The following NRG1 variants were observed in gnomAD, a reference collection of about 807,000 sequenced individuals.
NRG1 encodes pro-neuregulin-1, membrane-bound isoform.
NRG1 carries 18 observed loss-of-function variants against 63.8 expected under a neutral mutation model. The ratio of observed to expected loss-of-function variants is 0.28; its 90% CI spans 0.19 to 0.42. The LOEUF is 0.42. Ranked by LOEUF, NRG1 falls within the 10% of genes least tolerant of loss-of-function variation. The probability of loss-of-function intolerance (pLI) is 1.00; values close to 1 mark genes in which losing one functional copy is unlikely to be tolerated. For missense variants in NRG1, 762 were observed against 814.7 expected (o/e 0.94, Z 0.79); for synonymous variants, 302 against 301.3 (o/e 1.00, Z -0.02).
At chr8:32,151,187 C>T (rs1017918042) in intron 1 of NRG1, among the ~76,000 whole-genome samples, 2 of 151,944 alleles carry the variant, frequency 1.3e-5, no homozygotes, top group African/African-American at 4.8e-5. Flanking sequence ...TGTTCATTGC[C>T]CAGAGAGATT....
At chr8:32,660,680 G>A (rs528368890) in intron 5 of NRG1, among the ~76,000 whole-genome samples, 1 of 152,282 alleles carries the variant, frequency 6.6e-6, no homozygotes, top group East Asian at 1.9e-4. Flanking sequence ...GTGACAGCAT[G>A]CACACTATGA....
intron 1 of NRG1, among the ~76,000 whole-genome samples, chr8:32,092,050 C>A (rs1221309497): frequency 6.6e-6 from 1 of 151,848 alleles, no homozygotes; most frequent in Non-Finnish European, 1.5e-5. Context: ...CACAAAAATT[C>A]AAGAAGTAAT....
At chr8:31,924,067 T>C (rs754407832) in intron 1 of NRG1, among the ~76,000 whole-genome samples, 24 of 152,104 alleles carry the variant, frequency 1.6e-4, no homozygotes, top group Non-Finnish European at 3.4e-4. Flanking sequence ...AAAATTTCCT[T>C]ATTTGGGTTG....
intron 1 of NRG1, among the ~76,000 whole-genome samples, chr8:32,025,185 C>G (rs1453722375): frequency 6.6e-6 from 1 of 152,034 alleles, no homozygotes; most frequent in Non-Finnish European, 1.5e-5. Flanking sequence ...CAGAATTAAT[C>G]TGACTTACCA....
chr8:32,609,609 TCC>T, intron 3 of NRG1, among the ~76,000 whole-genome samples: 1 of 126,528 alleles, frequency 7.9e-6, no homozygotes. Context: ...CTTCCTTCCT[TCC>T]TTCCTTCCTT....
At chr8:31,871,993 A>T (rs916603043) in intron 1 of NRG1, among the ~76,000 whole-genome samples, 13 of 152,136 alleles carry the variant, frequency 8.5e-5, no homozygotes, top group Non-Finnish European at 1.6e-4. Context: ...CATGTTAATC[A>T]GTGACCATAA....
chr8:32,180,594 T>G (rs1463939745), intron 1 of NRG1, among the ~76,000 whole-genome samples: 6 of 152,148 alleles, frequency 3.9e-5, no homozygotes, highest in Non-Finnish European at 7.4e-5. Flanking sequence ...CAAGTACTGT[T>G]AATATTTTTG....
intron 1 of NRG1, among the ~76,000 whole-genome samples, chr8:32,570,913 C>T (rs1209338544): frequency 6.6e-6 from 1 of 152,060 alleles, no homozygotes; most frequent in African/African-American, 2.4e-5. Flanking sequence ...GTTTGTCATG[C>T]CCAGAAAGTT....
chr8:32,533,775 T>C (rs1271156912), intron 1 of NRG1, among the ~76,000 whole-genome samples: 1 of 152,042 alleles, frequency 6.6e-6, no homozygotes, highest in African/African-American at 2.4e-5. Flanking sequence ...ACAGAACATC[T>C]TCCCTCAAAG....
intron 1 of NRG1, among the ~76,000 whole-genome samples, chr8:32,269,820 A>G (rs1449574691): frequency 6.6e-6 from 1 of 152,200 alleles, no homozygotes; most frequent in African/African-American, 2.4e-5. Context: ...AGATATTTGT[A>G]GAGAACTTAT....
chr8:31,912,878 C>T (rs982186726), intron 1 of NRG1, among the ~76,000 whole-genome samples: 4 of 151,974 alleles, frequency 2.6e-5, no homozygotes, highest in Middle Eastern at 3.2e-3. Context: ...ATTTATTTTT[C>T]CTTCTAAAAA....
chr8:31,990,183 T>C (rs1008919912), intron 1 of NRG1, among the ~76,000 whole-genome samples: 1 of 152,076 alleles, frequency 6.6e-6, no homozygotes, highest in Non-Finnish European at 1.5e-5. Flanking sequence ...CCTGGCTAAC[T>C]TGTCTTTAGT....
At chr8:32,398,427 T>C (rs1479434231) in intron 1 of NRG1, among the ~76,000 whole-genome samples, 3 of 150,886 alleles carry the variant, frequency 2.0e-5, no homozygotes, top group Non-Finnish European at 4.4e-5. Context: ...TTTTTTTTTT[T>C]TAAGACCAGG....
intron 1 of NRG1, among the ~76,000 whole-genome samples, chr8:32,407,529 G>T (rs555337314): frequency 6.6e-6 from 1 of 152,048 alleles, no homozygotes; most frequent in East Asian, 1.9e-4. Flanking sequence ...AACATCAATT[G>T]ATTGAAGGCT....
At chr8:31,803,971 T>C (rs1180975329) in intron 1 of NRG1, among the ~76,000 whole-genome samples, 1 of 152,192 alleles carries the variant, frequency 6.6e-6, no homozygotes, top group Non-Finnish European at 1.5e-5. Flanking sequence ...TCTGCAGAGA[T>C]GTTCCCCAGC....
chr8:31,814,643 A>G (rs1823261126), intron 1 of NRG1, among the ~76,000 whole-genome samples: 1 of 148,186 alleles, frequency 6.7e-6, no homozygotes, highest in Admixed American at 6.7e-5. Flanking sequence ...AATAAATATT[A>G]AATAATTTAA....
chr8:32,482,367 A>C (rs1484660778), intron 1 of NRG1, among the ~76,000 whole-genome samples: 1 of 146,086 alleles, frequency 6.8e-6, no homozygotes, highest in African/African-American at 2.6e-5. Flanking sequence ...AACCAATCCA[A>C]ATTTGGGGGT....
At chr8:32,144,853 A>G (rs1220821011) in intron 1 of NRG1, among the ~76,000 whole-genome samples, 8 of 151,976 alleles carry the variant, frequency 5.3e-5, no homozygotes, top group Non-Finnish European at 1.2e-4. Flanking sequence ...ACTCAGTTCT[A>G]GTTTCTAAGT....
chr8:32,503,263 G>T (rs1401150517), intron 1 of NRG1, among the ~76,000 whole-genome samples: 4 of 130,280 alleles, frequency 3.1e-5, no homozygotes, highest in African/African-American at 1.2e-4. Flanking sequence ...CTCCAGCCTG[G>T]GCTACAGAGC....
Sources: allele counts gnomAD v4.1 joint callset (sites outside exome capture counted in the v4.1 genomes callset), GRCh38; gene constraint gnomAD v4.1.1; transcripts MANE v1.5; gene names NCBI Gene and HGNC (gene_info 2026-07-23, HGNC 2026-07-21).